The following PAX3 variants were observed in gnomAD, a reference collection of about 807,000 sequenced individuals.
The protein encoded by PAX3 is paired box protein Pax-3.
A neutral mutation model predicts 51.6 loss-of-function variants in PAX3; 14 were observed. The ratio of observed to expected loss-of-function variants is 0.27; its 90% confidence interval spans 0.18 to 0.42. PAX3 has a LOEUF of 0.42. Ranked by LOEUF, PAX3 falls within the 10% of genes least tolerant of loss-of-function variation. PAX3 has a pLI of 1.00. For missense variants in PAX3, 540 were observed against 642.8 expected, an observed-to-expected ratio of 0.84 and a Z score of 1.73; for synonymous variants, 280 against 253.4, an observed-to-expected ratio of 1.11 and a Z score of -1.00.
intron 4 of PAX3, chr2:222,264,450 GT>G (rs1360482754): frequency 5.3e-5 from 8 of 152,204 alleles, no homozygotes; most frequent in Non-Finnish European, 1.0e-4. Flanking sequence ...TGATTAAAAT[GT>G]TTTAGAACTA....
At chr2:222,236,651 C>T (rs1692808122) in intron 4 of PAX3, among the ~76,000 whole-genome samples, 1 of 152,068 alleles carries the variant, frequency 6.6e-6, no homozygotes, top group Non-Finnish European at 1.5e-5. Flanking sequence ...ATTTGGAAAC[C>T]ACAAATGTGT....
chr2:222,201,708 G>T, intron 8 of PAX3: 1 of 1,454,982 alleles, frequency 6.9e-7, no homozygotes, highest in Non-Finnish European at 9.0e-7. Context: ...TTTACCTAGT[G>T]GCAATCAGGT....
Position 222,212,284 on chromosome 2 carries a change from G to A in PAX3, c.1173+7856C>T, listed in dbSNP as rs140937661. On this transcript the variant is annotated intron_variant, in intron 7 of 8. Transcript: ENST00000392070. ...CAGAATGAGACATCAGTATTTTTGT[G>A]AGAAAAAAGAAGAGTTACTTCTTTA... Among the ~76,000 whole-genome samples, 42 of 152,048 alleles carry A rather than the reference G, an allele frequency of 2.8e-4. No homozygotes were observed. The East Asian group carries it at 5.8e-3, about 21-fold the overall frequency.
chr2:222,242,187 C>T (rs944712968), intron 4 of PAX3, among the ~76,000 whole-genome samples: 6 of 152,232 alleles, frequency 3.9e-5, no homozygotes, highest in Admixed American at 2.0e-4. Context: ...ATTGAAACCA[C>T]GTTTTTTTTG....
At chr2:222,287,369 A>T (rs1018652368) in intron 4 of PAX3, 2 of 152,254 alleles carry the variant, frequency 1.3e-5, no homozygotes, top group African/African-American at 4.8e-5. Context: ...CAGAAAGATG[A>T]CAATACCTGA....
intron 1 of PAX3, 104 bp downstream of exon 1, chr2:222,298,426 TG>T: frequency 1.1e-6 from 1 of 916,734 alleles, no homozygotes; most frequent in Non-Finnish European, 1.7e-6. Context: ...GCCCAGGGAA[TG>T]GGCTTCCTGG....
intron 4 of PAX3, among the ~76,000 whole-genome samples, chr2:222,260,564 TGTTTTTTTTTTTTG>T (rs1693810214): frequency 4.7e-5 from 3 of 63,696 alleles, no homozygotes; most frequent in South Asian, 7.8e-4. Flanking sequence ...TTTTTTTTTT[TGTTTTTTTTTTTTG>T]TTTTTTTTTT....
intron 5 of PAX3, among the ~76,000 whole-genome samples, chr2:222,223,220 G>T (rs942436231): frequency 2.0e-5 from 3 of 152,068 alleles, no homozygotes; most frequent in South Asian, 2.1e-4. Context: ...GTCTTCTCTC[G>T]CCATTGTTGC....
intron 4 of PAX3, among the ~76,000 whole-genome samples, chr2:222,269,637 T>C (rs143623534): frequency 2.3e-4 from 33 of 146,654 alleles, no homozygotes; most frequent in African/African-American, 7.7e-4. Context: ...AAGCTGCACA[T>C]TTCTCTCCCA....
At chr2:222,294,364 G>C (rs1574764781) in intron 3 of PAX3, 63 bp from the exon 4 acceptor site, 1 of 1,589,662 alleles carries the variant, frequency 6.3e-7, no homozygotes, top group Non-Finnish European at 8.6e-7. Flanking sequence ...AGGGCTGTGC[G>C]GGAAGGACCC....
chr2:222,264,691 A>C (rs1304724379), intron 4 of PAX3: 1 of 152,244 alleles, frequency 6.6e-6, no homozygotes, highest in East Asian at 1.9e-4. Flanking sequence ...TGAACAAAGC[A>C]CAAAGGAAGA....
rs541106016 is a variant in PAX3 at position 222,215,360 on chromosome 2, T to G, written c.1173+4780A>C. 6.6e-5 allele frequency among the ~76,000 whole-genome samples: 10 copies of G among 152,250 alleles called. 1 individual carries two copies. Among genetic ancestry groups the G allele is most frequent in the African/African-American group, 2.4e-4 (10 of 41,556 alleles). ...TTGATGAACCCTAAATGCAGCCAAG[T>G]TGGCCCATTTTGTATACTACAAAAC... On this transcript the variant is annotated intron_variant, in intron 7 of 8. Transcript: ENST00000392070.
At chr2:222,204,102 A>T (rs7588737) in intron 7 of PAX3, among the ~76,000 whole-genome samples, 45,852 of 151,888 alleles carry the variant, frequency 0.3, 8,729 homozygotes, top group Non-Finnish European at 0.43. Flanking sequence ...TTATATTTTT[A>T]AAAAAAACAC....
At chr2:222,238,505 C>T (rs187035297) in intron 4 of PAX3, among the ~76,000 whole-genome samples, 13 of 152,240 alleles carry the variant, frequency 8.5e-5, no homozygotes, top group Admixed American at 6.5e-5. Flanking sequence ...CTCAGCAAGA[C>T]GTTTCATTTG....
intron 4 of PAX3, among the ~76,000 whole-genome samples, chr2:222,241,975 T>C (rs959898258): frequency 1.3e-5 from 2 of 152,250 alleles, no homozygotes; most frequent in Non-Finnish European, 2.9e-5. Context: ...GCAGTCATTC[T>C]GGGTTGATTA....
intron 5 of PAX3, among the ~76,000 whole-genome samples, chr2:222,223,788 C>T (rs1226783401): frequency 6.6e-6 from 1 of 152,194 alleles, no homozygotes; most frequent in African/African-American, 2.4e-5. Context: ...TTACTATGCT[C>T]AGTTCCACTG....
intron 7 of PAX3, among the ~76,000 whole-genome samples, chr2:222,203,682 C>T (rs1162259658): frequency 6.6e-6 from 1 of 152,114 alleles, no homozygotes; most frequent in Non-Finnish European, 1.5e-5. Flanking sequence ...CAGAAAGCAT[C>T]TCAACTCAGA....
intron 8 of PAX3, 194 bp from the exon 9 acceptor site, chr2:222,201,636 A>G: frequency 7.6e-7 from 1 of 1,315,586 alleles, no homozygotes; most frequent in Non-Finnish European, 1.0e-6. Flanking sequence ...CCTGGAGCTG[A>G]CCTCATTAAG....
intron 5 of PAX3, among the ~76,000 whole-genome samples, chr2:222,226,979 T>G (rs181885088): frequency 2.0e-5 from 3 of 152,004 alleles, no homozygotes; most frequent in Admixed American, 2.0e-4. Context: ...ATCTCCCAGA[T>G]CTCCTGAAGT....
Sources: gnomAD v4.1 joint callset for allele counts (sites outside exome capture counted in the v4.1 genomes callset) on GRCh38, gnomAD v4.1.1 for gene constraint, MANE v1.5 for transcripts, NCBI Gene and HGNC (gene_info 2026-07-23, HGNC 2026-07-21) for gene names.